Variants in TSHZ2 observed in about 807,000 individuals in gnomAD.
The protein encoded by TSHZ2 is teashirt homolog 2.
In TSHZ2, 21 loss-of-function variants were observed where a neutral mutation model predicts 74.4. The observed-to-expected ratio is 0.28, with a 90% CI of 0.20 to 0.41. The LOEUF is 0.41. Ranked by LOEUF, TSHZ2 falls within the 10% of genes least tolerant of loss-of-function variation. The pLI, the probability that TSHZ2 is intolerant of heterozygous loss-of-function variation, is 1.00. For synonymous variants in TSHZ2, 540 were observed against 515.3 expected (o/e 1.05, Z -0.65); for missense variants, 1,244 against 1,293.5 (o/e 0.96, Z 0.59).
chr20:53,195,184 A>G (rs1236265298), intron 1 of TSHZ2, among the ~76,000 whole-genome samples: 1 of 152,208 alleles, frequency 6.6e-6, no homozygotes, highest in Admixed American at 6.5e-5. Flanking sequence ...AGCAAAATCC[A>G]GGCAACTGGC....
chr20:53,287,970 A>G (rs536449856), intron 2 of TSHZ2, among the ~76,000 whole-genome samples: 9 of 152,286 alleles, frequency 5.9e-5, no homozygotes, highest in African/African-American at 1.9e-4. Flanking sequence ...TCCTCAAGCT[A>G]ATTTCTATGT....
At chr20:53,483,220 G>GA (rs6147377) in intron 2 of TSHZ2, among the ~76,000 whole-genome samples, 1 of 151,918 alleles carries the variant, frequency 6.6e-6, no homozygotes, top group Non-Finnish European at 1.5e-5. Context: ...AGAATGGCTT[G>GA]GCCTGGGCAA....
intron 1 of TSHZ2, among the ~76,000 whole-genome samples, chr20:53,154,838 G>A (rs149169985): frequency 2.0e-5 from 3 of 152,154 alleles, no homozygotes; most frequent in South Asian, 2.1e-4. Flanking sequence ...AGTATCTCCC[G>A]AATAATCAGC....
chr20:53,352,333 C>T (rs1274474643), intron 2 of TSHZ2, among the ~76,000 whole-genome samples: 1 of 147,810 alleles, frequency 6.8e-6, no homozygotes, highest in African/African-American at 2.5e-5. Flanking sequence ...ACATCATTCT[C>T]CACAAAATTT....
chr20:53,222,267 T>C (rs1254781162), intron 1 of TSHZ2, among the ~76,000 whole-genome samples: 3 of 152,164 alleles, frequency 2.0e-5, no homozygotes, highest in Non-Finnish European at 4.4e-5. Flanking sequence ...GTGGCATTGC[T>C]TTATTTTCTC....
chr20:53,111,257 A>G (rs8123547), intron 1 of TSHZ2, among the ~76,000 whole-genome samples: 6 of 152,366 alleles, frequency 3.9e-5, no homozygotes, highest in African/African-American at 1.4e-4. Flanking sequence ...TATTCAGTCA[A>G]TGAATATACA....
chr20:53,035,582 A>G (rs1983788483), intron 1 of TSHZ2, among the ~76,000 whole-genome samples: 3 of 152,324 alleles, frequency 2.0e-5, no homozygotes. Context: ...ATTTCCCCGT[A>G]GGAATATAAT....
At chr20:53,174,977 C>T (rs1189102943) in intron 1 of TSHZ2, among the ~76,000 whole-genome samples, 2 of 151,876 alleles carry the variant, frequency 1.3e-5, no homozygotes, top group African/African-American at 2.4e-5. Context: ...CTTGGCTCTT[C>T]GTTTTTTCAT....
chr20:53,422,181 A>G, intron 2 of TSHZ2, among the ~76,000 whole-genome samples: 1 of 152,240 alleles, frequency 6.6e-6, no homozygotes, highest in African/African-American at 2.4e-5. Context: ...AAATAACGAA[A>G]AAAAGGTCAT....
chr20:53,132,313 A>T (rs1171495462), intron 1 of TSHZ2, among the ~76,000 whole-genome samples: 5 of 139,300 alleles, frequency 3.6e-5, no homozygotes, highest in African/African-American at 1.3e-4. Context: ...TCTGCCCCTA[A>T]TTTTTTTTTT....
intron 1 of TSHZ2, among the ~76,000 whole-genome samples, chr20:53,045,763 G>A (rs78697020): frequency 0.034 from 5,167 of 152,258 alleles, 120 homozygotes; most frequent in Non-Finnish European, 0.05. Context: ...ATCCCGGAGG[G>A]ATGTGGTGAG....
intron 1 of TSHZ2, among the ~76,000 whole-genome samples, chr20:53,228,003 T>C (rs1398107449): frequency 2.0e-5 from 3 of 150,554 alleles, no homozygotes; most frequent in Admixed American, 6.6e-5. Flanking sequence ...TGCTGATCTT[T>C]ATAATTTCAA....
intron 2 of TSHZ2, among the ~76,000 whole-genome samples, chr20:53,480,576 A>AG (rs1252453625): frequency 6.6e-6 from 1 of 151,960 alleles, no homozygotes; most frequent in Non-Finnish European, 1.5e-5. Flanking sequence ...TCTAAAAAAA[A>AG]AAAAAAGAAA....
intron 2 of TSHZ2, among the ~76,000 whole-genome samples, chr20:53,468,228 G>A (rs147286158): frequency 4.6e-4 from 70 of 152,204 alleles, no homozygotes; most frequent in African/African-American, 1.6e-3. Context: ...TTATAATTAG[G>A]GATAACTGTT....
At chr20:53,042,234 T>C (rs996675501) in intron 1 of TSHZ2, among the ~76,000 whole-genome samples, 1 of 152,200 alleles carries the variant, frequency 6.6e-6, no homozygotes, top group Non-Finnish European at 1.5e-5. Context: ...AGGGAAAATA[T>C]TTTTCCTTCT....
At chr20:53,008,483 C>G (rs761205054) in intron 1 of TSHZ2, among the ~76,000 whole-genome samples, 1 of 151,278 alleles carries the variant, frequency 6.6e-6, no homozygotes, top group African/African-American at 2.4e-5. Flanking sequence ...CTTCCCCTGA[C>G]AGTCAGAAAA....
At position 53,148,144 on chromosome 20, in the gene TSHZ2, A is replaced by G. The variant is rs557595901; in HGVS notation, c.41-105355A>G. ...TAAATTCCTACAGCTAATATTTTCT[A>G]TATCGTACTATTTAGTGTTTAATTA... On this transcript the variant is annotated intron_variant, in intron 1 of 2. Transcript: ENST00000371497. Among the ~76,000 whole-genome samples the G allele has an allele frequency of 3.9e-5, 6 of 152,318 alleles. No homozygotes were observed. The East Asian group carries it at 9.6e-4, about 24-fold the overall frequency.
intron 1 of TSHZ2, among the ~76,000 whole-genome samples, chr20:52,978,766 G>T (rs1309748917): frequency 6.6e-6 from 1 of 152,106 alleles, no homozygotes; most frequent in Non-Finnish European, 1.5e-5. Flanking sequence ...CACAAGTTGA[G>T]AACGCTTTTA....
intron 1 of TSHZ2, among the ~76,000 whole-genome samples, chr20:53,093,411 C>T (rs182554430): frequency 1.3e-5 from 2 of 152,340 alleles, no homozygotes; most frequent in African/African-American, 2.4e-5. Flanking sequence ...AAAGCCTTTC[C>T]GTGGTTTCCC....
Sources: gnomAD v4.1 joint callset for allele counts (sites outside exome capture counted in the v4.1 genomes callset) on GRCh38, gnomAD v4.1.1 for gene constraint, MANE v1.5 for transcripts, NCBI Gene and HGNC (gene_info 2026-07-23, HGNC 2026-07-21) for gene names.